Variants in RAC1 observed in about 807,000 individuals in gnomAD.
RAC1 encodes ras-related C3 botulinum toxin substrate 1.
In RAC1, 2 loss-of-function variants were observed where a neutral mutation model predicts 25.2. The observed-to-expected ratio is 0.08, with a 90% CI of 0.03 to 0.25. The LOEUF (loss-of-function observed/expected upper bound fraction) is 0.25, where lower values mean the gene tolerates loss of function less well. Among genes scored for constraint, RAC1 ranks in the 10% least tolerant of loss-of-function variants. The pLI, the probability that RAC1 is intolerant of heterozygous loss-of-function variation, is 1.00. For missense variants in RAC1, 50 were observed against 235.7 expected (o/e 0.21, Z 5.16); for synonymous variants, 88 against 94.0 (o/e 0.94, Z 0.37).
At chr7:6,397,318 A>G (rs1160639482) in intron 3 of RAC1, among the ~76,000 whole-genome samples, 1 of 105,642 alleles carries the variant, frequency 9.5e-6, no homozygotes, top group East Asian at 1.0e-3. Flanking sequence ...ATTTTGAGAC[A>G]GGGTCTCGCT....
intron 1 of RAC1, among the ~76,000 whole-genome samples, chr7:6,384,479 A>G (rs750992737): frequency 2.6e-5 from 4 of 152,032 alleles, no homozygotes; most frequent in Non-Finnish European, 4.4e-5. Context: ...GCCACTGCCC[A>G]CTTATTTTTT....
intron 3 of RAC1, among the ~76,000 whole-genome samples, chr7:6,396,550 G>C (rs1783240022): frequency 1.3e-5 from 2 of 152,128 alleles, no homozygotes; most frequent in Non-Finnish European, 2.9e-5. Context: ...AAAATCGAAA[G>C]CATGCCACAG....
At chr7:6,389,718 T>C (rs1364143290) in intron 2 of RAC1, among the ~76,000 whole-genome samples, 1 of 152,030 alleles carries the variant, frequency 6.6e-6, no homozygotes, top group Non-Finnish European at 1.5e-5. Context: ...TGTAGAGCTA[T>C]GTTTTGCTAT....
chr7:6,386,788 CA>C (rs71008388), intron 1 of RAC1, among the ~76,000 whole-genome samples: 35,017 of 87,780 alleles, frequency 0.4, 4,027 homozygotes, highest in East Asian at 0.74. Context: ...GACTCGGTCT[CA>C]AAAAAAAAAA....
chr7:6,395,635 C>T (rs1373576633), intron 3 of RAC1, among the ~76,000 whole-genome samples: 1 of 152,172 alleles, frequency 6.6e-6, no homozygotes, highest in Non-Finnish European at 1.5e-5. Context: ...TATTTCAGCA[C>T]AGTCACACAG....
At chr7:6,384,147 C>A (rs1369524538) in intron 1 of RAC1, among the ~76,000 whole-genome samples, 1 of 152,072 alleles carries the variant, frequency 6.6e-6, no homozygotes, top group Non-Finnish European at 1.5e-5. Context: ...CCACTTTCTT[C>A]CTCAGCTGCC....
At position 6,403,463 on chromosome 7, in the gene RAC1, TTC is replaced by T. The variant is rs1313364067; in HGVS notation, c.*1019_*1020del. The T allele has an allele frequency of 1.4e-5, 3 of 217,178 alleles. No individual in the cohort carries two copies. Among genetic ancestry groups the T allele is most frequent in the South Asian group, 1.8e-4 (1 of 5,406 alleles). The allele number at this position is 217,178 out of a possible 1,614,324, so 13.5% of individuals were successfully genotyped here. A position where few individuals can be genotyped will look rare whatever the true frequency, so the allele number is the denominator to read the frequency against. On this transcript the variant is annotated 3_prime_UTR_variant, in exon 6 of 6. Transcript: ENST00000348035. ...TATGCCTCCTTGTATTATAAAATCT[TTC>T]TGATAATGCATTAGAAGGTTTTTTT...
chr7:6,401,752 G>C, intron 4 of RAC1, 116 bp from the exon 5 acceptor site: 5 of 1,063,608 alleles, frequency 4.7e-6, no homozygotes, highest in Non-Finnish European at 6.9e-6. Context: ...AGCCTCCGTG[G>C]GGAGGCCTTG....
chr7:6,391,859 A>G, intron 2 of RAC1, 65 bp from the exon 3 acceptor site: 1 of 1,609,720 alleles, frequency 6.2e-7, no homozygotes, highest in Non-Finnish European at 8.5e-7. Context: ...CACCTTCTCT[A>G]GGATGGCTGG....
In RAC1 at chr7:6,374,860, C is replaced by T. The variant is rs546867560; in HGVS notation, c.35+90C>T. ...GACTGGGGCCCAGGCAGGCCGGCGT[C>T]CGCCGCGGTCTCGCGTAGGCGGTGG... On this transcript the variant is annotated intron_variant, in intron 1 of 5. Coordinates refer to ENST00000348035, the MANE Select transcript of RAC1 (RefSeq NM_006908.5). 470 of 1,004,412 alleles carry T rather than the reference C, an allele frequency of 4.7e-4. 3 individuals carry two copies. In the African/African-American group the frequency reaches 7.4e-3, roughly 16 times the overall value. 62.2% of individuals were successfully genotyped at this position (1,004,412 alleles called of 1,614,324 possible). A position where few individuals can be genotyped will look rare whatever the true frequency, so the allele number is the denominator to read the frequency against.
chr7:6,393,036 T>A (rs1783131445), intron 3 of RAC1, among the ~76,000 whole-genome samples: 1 of 152,116 alleles, frequency 6.6e-6, no homozygotes, highest in African/African-American at 2.4e-5. Flanking sequence ...TGTGCCCAAA[T>A]GAGTGGAAGT....
At chr7:6,387,305 TTAACC>T in intron 2 of RAC1, 22 bp downstream of exon 2, 1 of 1,485,080 alleles carries the variant, frequency 6.7e-7, no homozygotes, top group African/African-American at 1.4e-5. Flanking sequence ...AAATTGGGAA[TTAACC>T]TGTTTGTGTT....
Position 6,403,966 on chromosome 7 carries a change from T to C in RAC1, c.*1520T>C, listed in dbSNP as rs1783492212. On this transcript the variant is annotated 3_prime_UTR_variant, in exon 6 of 6. Transcript: ENST00000348035. ...TATGACTTAATAAATCCTTGAATCA[T>C]ACGACTGGTAATACTGGTGTTTTTG... 4.9e-6 allele frequency: 1 copy of C among 205,040 alleles called. No homozygotes were observed. The highest frequency in any genetic ancestry group is 1.0e-5 in the Non-Finnish European group (1 of 99,960). 12.7% of individuals were successfully genotyped at this position (205,040 alleles called of 1,614,324 possible).
chr7:6,379,978 A>AGC (rs1562461392), intron 1 of RAC1, among the ~76,000 whole-genome samples: 1 of 152,164 alleles, frequency 6.6e-6, no homozygotes, highest in African/African-American at 2.4e-5. Flanking sequence ...AATGACTTGA[A>AGC]GCCCTCTCTG....
chr7:6,390,599 A>C (rs1167122157), intron 2 of RAC1, among the ~76,000 whole-genome samples: 1 of 151,176 alleles, frequency 6.6e-6, no homozygotes, highest in Non-Finnish European at 1.5e-5. Context: ...TTCTGTCTCA[A>C]AAAAAAAATA....
At chr7:6,388,346 C>CTTTTTTTTTT (rs71008389) in intron 2 of RAC1, among the ~76,000 whole-genome samples, 5 of 121,826 alleles carry the variant, frequency 4.1e-5, no homozygotes, top group Non-Finnish European at 8.4e-5. Flanking sequence ...TGTTGTTTTC[C>CTTTTTTTTTT]TTTTTTTTTT....
chr7:6,374,825 G>T (rs1435487555), intron 1 of RAC1, 55 bp downstream of exon 1: 5 of 1,079,856 alleles, frequency 4.6e-6, no homozygotes, highest in African/African-American at 1.7e-5. Context: ...GCGGAGGGGG[G>T]TTGGGCCCGG....
chr7:6,387,120 AT>A (rs1051504128), intron 1 of RAC1, 91 bp from the exon 2 acceptor site: 16 of 863,632 alleles, frequency 1.9e-5, no homozygotes, highest in Admixed American at 1.8e-4. Flanking sequence ...ATATGCCTTG[AT>A]TTTTTTTCTC....
At chr7:6,387,131 C>G (rs567457938) in intron 1 of RAC1, 81 bp from the exon 2 acceptor site, 3 of 936,644 alleles carry the variant, frequency 3.2e-6, no homozygotes, top group East Asian at 2.6e-5. Flanking sequence ...TTTTTTTTCT[C>G]TAGAAATTAT....
Sources: gnomAD v4.1 joint callset for allele counts (sites outside exome capture counted in the v4.1 genomes callset) on GRCh38, gnomAD v4.1.1 for gene constraint, MANE v1.5 for transcripts, NCBI Gene and HGNC (gene_info 2026-07-23, HGNC 2026-07-21) for gene names.